CLOCK: variants seen among roughly 807,000 people sequenced by gnomAD.
CLOCK encodes clock circadian regulator, also known as circadian locomoter output cycles protein kaput.
CLOCK carries 43 observed loss-of-function variants against 118.4 expected under a neutral mutation model. That is an observed-to-expected ratio of 0.36 (90% CI 0.28 to 0.47). The LOEUF (loss-of-function observed/expected upper bound fraction) is 0.47, where lower values mean the gene tolerates loss of function less well. Ranked by LOEUF, CLOCK falls within the 20% of genes least tolerant of loss-of-function variation. The pLI is 1.00. For synonymous variants in CLOCK, 326 were observed against 339.2 expected (o/e 0.96, Z 0.43); for missense variants, 846 against 999.9 (o/e 0.85, Z 2.08).
At chr4:55,488,554 G>A (rs1727463691) in intron 3 of CLOCK, among the ~76,000 whole-genome samples, 1 of 151,998 alleles carries the variant, frequency 6.6e-6, no homozygotes, top group South Asian at 2.1e-4. Flanking sequence ...GTCACATTAT[G>A]CTCTTTATGT....
At chr4:55,500,857 T>G (rs1728389202) in intron 2 of CLOCK, among the ~76,000 whole-genome samples, 1 of 152,130 alleles carries the variant, frequency 6.6e-6, no homozygotes, top group Non-Finnish European at 1.5e-5. Flanking sequence ...TGTCTGTTTT[T>G]GCGCTTGTTT....
chr4:55,471,221 T>A (rs559683497), intron 7 of CLOCK, among the ~76,000 whole-genome samples: 1 of 152,126 alleles, frequency 6.6e-6, no homozygotes, highest in South Asian at 2.1e-4. Flanking sequence ...AACACAGAGG[T>A]GTACATCTGA....
At chr4:55,464,968 A>C (rs1725635594) in intron 8 of CLOCK, among the ~76,000 whole-genome samples, 1 of 152,158 alleles carries the variant, frequency 6.6e-6, no homozygotes, top group South Asian at 2.1e-4. Context: ...ACATATCTGT[A>C]TCTTTCCCCT....
rs192813111 is a variant in CLOCK at position 55,528,505 on chromosome 4, A to G, written c.-290+18277T>C. 3.9e-5 allele frequency among the ~76,000 whole-genome samples: 6 copies of G among 152,320 alleles called. No individual in the cohort carries two copies. In the East Asian group the frequency reaches 9.6e-4, roughly 24 times the overall value. On this transcript the variant is annotated intron_variant, in intron 1 of 22. Transcript: ENST00000513440. ...TCATGTTTGCCGCCCCTCCATGCAG[A>G]AAGTCTGTGCAGATGAGCACATAAA...
intron 10 of CLOCK, 39 bp downstream of exon 10, chr4:55,459,106 TAAC>T: frequency 6.7e-7 from 1 of 1,482,914 alleles, no homozygotes; most frequent in Non-Finnish European, 9.4e-7. Flanking sequence ...CACAGAAAAA[TAAC>T]AAGTTAAAAC....
At chr4:55,442,134 G>C in intron 21 of CLOCK, 1 of 315,272 alleles carries the variant, frequency 3.2e-6, no homozygotes, top group Non-Finnish European at 5.9e-6. Flanking sequence ...AAAGACAAAA[G>C]CTTCACAGTG....
At chr4:55,473,187 C>T (rs1329676369) in intron 7 of CLOCK, among the ~76,000 whole-genome samples, 1 of 151,680 alleles carries the variant, frequency 6.6e-6, no homozygotes, top group Non-Finnish European at 1.5e-5. Flanking sequence ...TGTGCCACTG[C>T]ACTCCAGCCT....
intron 1 of CLOCK, among the ~76,000 whole-genome samples, chr4:55,528,138 G>A (rs1730323054): frequency 1.3e-5 from 2 of 152,116 alleles, no homozygotes; most frequent in Admixed American, 6.5e-5. Context: ...TGGGTGGTCA[G>A]GAGTTCAAGA....
intron 1 of CLOCK, among the ~76,000 whole-genome samples, chr4:55,546,258 CG>C (rs1731615817): frequency 6.6e-6 from 1 of 152,180 alleles, no homozygotes; most frequent in African/African-American, 2.4e-5. Flanking sequence ...TCAAGCCGCC[CG>C]GCCCCGCCGT....
rs60810379 is a variant in CLOCK at position 55,530,774 on chromosome 4, C to CAAAAAAAA, written c.-290+16000_-290+16007dup. Among the ~76,000 whole-genome samples, 250 of 33,024 alleles carry CAAAAAAAA rather than the reference C, an allele frequency of 7.6e-3. 27 individuals carry two copies. Among genetic ancestry groups the CAAAAAAAA allele is most frequent in the African/African-American group, 0.033 (238 of 7,186 alleles). The allele number at this position is 33,024 out of a possible 152,430, so 21.7% of individuals were successfully genotyped here. On this transcript the variant is annotated intron_variant, in intron 1 of 22. Coordinates refer to ENST00000513440, the MANE Select transcript of CLOCK (RefSeq NM_004898.4). ...TGGGAAAAAGAGCAAGACTCCATCG[C>CAAAAAAAA]AAAAAAAAAAAAAAAAAGAGTAAAT...
chr4:55,508,975 T>C (rs1373646942), intron 2 of CLOCK, among the ~76,000 whole-genome samples: 1 of 152,250 alleles, frequency 6.6e-6, no homozygotes, highest in African/African-American at 2.4e-5. Flanking sequence ...TGGTATAGCC[T>C]ACTATACACC....
Position 55,453,722 on chromosome 4 carries a change from C to CAGTGGA in CLOCK, c.1084_1085insTCCACT (p.Gln361_Trp362insPheHis). The CAGTGGA allele has an allele frequency of 6.2e-7, 1 of 1,610,852 alleles. No individual in the cohort carries two copies. The highest frequency in any genetic ancestry group is 8.5e-7 in the Non-Finnish European group (1 of 1,177,912). On this transcript the variant is annotated inframe_insertion, in exon 14 of 23. Transcript: ENST00000513440. ...AACAATAAACTCTGGCCTTGAATTC[C>CAGTGGA]ACTGATGGTAAGTGATATAATAATG...
chr4:55,545,391 G>A (rs1731547207), intron 1 of CLOCK: 1 of 152,128 alleles, frequency 6.6e-6, no homozygotes. Context: ...GGGGAATATT[G>A]CACAATTTTC....
At chr4:55,443,999 A>G in intron 19 of CLOCK, 103 bp from the exon 20 acceptor site, 2 of 978,942 alleles carry the variant, frequency 2.0e-6, no homozygotes, top group Non-Finnish European at 3.1e-6. Context: ...TTTAAAAAGC[A>G]AGTAACAAGG....
intron 1 of CLOCK, chr4:55,540,475 T>G (rs950150932): frequency 1.3e-5 from 2 of 152,154 alleles, no homozygotes; most frequent in Non-Finnish European, 2.9e-5. Context: ...AGTTCTTAGC[T>G]AGGCATATGG....
At chr4:55,442,265 T>C in intron 21 of CLOCK, 167 bp downstream of exon 21, 1 of 670,722 alleles carries the variant, frequency 1.5e-6, no homozygotes, top group South Asian at 2.0e-5. Flanking sequence ...TTATGAAGTC[T>C]TTAAACAATG....
At position 55,459,162 on chromosome 4, in the gene CLOCK, T is replaced by A; in HGVS notation, c.659A>T (p.Lys220Ile). 1 of 1,593,920 alleles carries A rather than the reference T, an allele frequency of 6.3e-7. No individual in the cohort carries two copies. The highest frequency in any genetic ancestry group is 8.6e-7 in the Non-Finnish European group (1 of 1,161,696). The change falls in exon 10 of 23, where the codon AAA becomes ATA. Residue 220 changes from lysine (K) to isoleucine (I), a missense_variant. Coordinates refer to ENST00000513440, the MANE Select transcript of CLOCK (RefSeq NM_004898.4). ...YEYVKFIGNF[K>I]SLNSVSSSAH... ...TTTTAACTCACCACTGTTTAAAGATTTGAAATTTCCTATAAATTTTACATA... is the reference window on the plus strand; with the variant it reads ...TTTTAACTCACCACTGTTTAAAGATATGAAATTTCCTATAAATTTTACATA...
chr4:55,444,891 A>G, intron 18 of CLOCK, 106 bp from the exon 19 acceptor site: 1 of 1,082,566 alleles, frequency 9.2e-7, no homozygotes. Flanking sequence ...AAGGATGATA[A>G]CATCCTTCAC....
intron 2 of CLOCK, among the ~76,000 whole-genome samples, chr4:55,505,909 T>C (rs1271360875): frequency 6.6e-6 from 1 of 151,796 alleles, no homozygotes; most frequent in Non-Finnish European, 1.5e-5. Flanking sequence ...TTTTGAACCA[T>C]TTGAAAGTAA....
Sources: gnomAD v4.1 joint callset for allele counts (sites outside exome capture counted in the v4.1 genomes callset) on GRCh38, gnomAD v4.1.1 for gene constraint, MANE v1.5 for transcripts, NCBI Gene and HGNC (gene_info 2026-07-23, HGNC 2026-07-21) for gene names.